Variants in PDE4D observed in about 807,000 individuals in gnomAD.
PDE4D encodes phosphodiesterase 4D.
A neutral mutation model predicts 87.4 loss-of-function variants in PDE4D; 24 were observed. The ratio of observed to expected loss-of-function variants is 0.27; its 90% CI spans 0.20 to 0.39. PDE4D has a LOEUF of 0.39. Among genes scored for constraint, PDE4D ranks in the 10% least tolerant of loss-of-function variants. The probability of loss-of-function intolerance (pLI) is 1.00; values close to 1 mark genes in which losing one functional copy is unlikely to be tolerated. For synonymous variants in PDE4D, 384 were observed against 383.2 expected (o/e 1.00, Z -0.02); for missense variants, 714 against 1,041.0 (o/e 0.69, Z 4.32).
At chr5:59,190,128 AG>A (rs1743988729) in intron 3 of PDE4D, among the ~76,000 whole-genome samples, 1 of 152,208 alleles carries the variant, frequency 6.6e-6, no homozygotes, top group Non-Finnish European at 1.5e-5. Context: ...AGATGGACTC[AG>A]GCATAAAGAA....
rs371796324 is a variant in PDE4D, at chr5:59,067,537, G to C, written c.809-28566C>G. On this transcript the variant is annotated intron_variant, in intron 5 of 14. Transcript: ENST00000340635. ...TATGATGGCATTTAAATATTGACTA[G>C]GTTTCTGATACAGTTTTTGGAGTCT... Among the ~76,000 whole-genome samples, 40 of 152,200 alleles carry C rather than the reference G, an allele frequency of 2.6e-4. 1 individual carries two copies. The South Asian group carries it at 8.1e-3, about 31-fold the overall frequency.
At chr5:60,282,086 T>G (rs1172375834) in intron 1 of PDE4D, among the ~76,000 whole-genome samples, 1 of 151,692 alleles carries the variant, frequency 6.6e-6, no homozygotes, top group Non-Finnish European at 1.5e-5. Context: ...TAAACAACAT[T>G]ACTCAACATA....
intron 2 of PDE4D, among the ~76,000 whole-genome samples, chr5:59,200,068 CACGT>C (rs201306064): frequency 9.1e-3 from 496 of 54,286 alleles, no homozygotes; most frequent in African/African-American, 0.021. Flanking sequence ...CATGTACACA[CACGT>C]ATGCACACAT....
At chr5:60,298,206 T>C (rs1753587782) in intron 1 of PDE4D, among the ~76,000 whole-genome samples, 1 of 151,854 alleles carries the variant, frequency 6.6e-6, no homozygotes, top group African/African-American at 2.4e-5. Flanking sequence ...GTACAGAAAA[T>C]TTATTTGCAT....
intron 2 of PDE4D, among the ~76,000 whole-genome samples, chr5:59,213,031 T>C (rs894478623): frequency 1.3e-5 from 2 of 151,400 alleles, no homozygotes; most frequent in African/African-American, 4.8e-5. Flanking sequence ...GTAAAATGTT[T>C]AGAGAACTCA....
chr5:60,432,385 A>G lies in PDE4D; in HGVS notation c.-90+55557T>C, dbSNP rs191123491. On this transcript the variant is annotated intron_variant, in intron 1 of 16. Coordinates refer to the PDE4D transcript ENST00000502484. The stretch of plus-strand genomic sequence containing the variant: ...TTTTGCTGTGAATCTGTGTGGTCCA[A>G]GGCTTTTTCTGGCTGGTAGCCTTTT... 5.0e-3 allele frequency among the ~76,000 whole-genome samples: 767 copies of G among 152,264 alleles called. 5 individuals are homozygous for G. Among genetic ancestry groups the G allele is most frequent in the Middle Eastern group, 0.017 (5 of 294 alleles).
At chr5:60,514,557 T>C (rs1750711804) in intron 1 of PDE4D, among the ~76,000 whole-genome samples, 1 of 152,058 alleles carries the variant, frequency 6.6e-6, no homozygotes, top group African/African-American at 2.4e-5. Flanking sequence ...CAATTTAATA[T>C]AGTTAACCAG....
Position 59,275,972 on chromosome 5 carries a change from T to C in PDE4D, c.456-60004A>G, listed in dbSNP as rs1276863605. On this transcript the variant is annotated intron_variant, in intron 1 of 14. Coordinates refer to ENST00000340635, the MANE Select transcript of PDE4D (RefSeq NM_001104631.2). ...CTTTGGCTGGGTGGGCTGATTTACC[T>C]GCGAAAGTAATTTCTGTGTGTCCCT... is the stretch of plus-strand genomic sequence containing the variant. 1.6e-5 allele frequency: 16 copies of C among 985,170 alleles called. No homozygotes were observed. In the South Asian group the frequency reaches 6.1e-4, roughly 38 times the overall value. The allele number at this position is 985,170 out of a possible 1,614,324, so 61.0% of individuals were successfully genotyped here. A position where few individuals can be genotyped will look rare whatever the true frequency, so the allele number is the denominator to read the frequency against.
At chr5:59,933,893 G>T (rs1263222860) in intron 3 of PDE4D, among the ~76,000 whole-genome samples, 1 of 152,074 alleles carries the variant, frequency 6.6e-6, no homozygotes, top group Non-Finnish European at 1.5e-5. Context: ...ACAACTGCAG[G>T]ACTGCAGAAT....
In PDE4D at chr5:59,753,221, T is replaced by A. The variant is rs558567752; in HGVS notation, c.455+139947A>T. 3.3e-5 allele frequency among the ~76,000 whole-genome samples: 5 copies of A among 152,208 alleles called. No individual in the cohort carries two copies. The East Asian group carries it at 9.7e-4, about 29-fold the overall frequency. On this transcript the variant is annotated intron_variant, in intron 1 of 14. Coordinates refer to ENST00000340635, the MANE Select transcript of PDE4D (RefSeq NM_001104631.2). The stretch of plus-strand genomic sequence containing the variant: ...AAGGAGCTAGTGGCACAAAGACAAG[T>A]TAGAATGTTATTGAAATAGATCAAA...
chr5:59,724,173 A>T (rs17799161), intron 1 of PDE4D, among the ~76,000 whole-genome samples: 28,054 of 151,922 alleles, frequency 0.18, 3,131 homozygotes, highest in South Asian at 0.26. Context: ...AAACCTGGAG[A>T]GAATAGCCTG....
chr5:59,129,819 A>G (rs1026163307), intron 5 of PDE4D, among the ~76,000 whole-genome samples: 9 of 152,124 alleles, frequency 5.9e-5, no homozygotes, highest in Non-Finnish European at 1.2e-4. Flanking sequence ...TTGCTACTAT[A>G]TAATTTCAAG....
At chr5:59,276,660 G>A (rs896066493) in intron 1 of PDE4D, among the ~76,000 whole-genome samples, 2 of 151,964 alleles carry the variant, frequency 1.3e-5, no homozygotes, top group East Asian at 1.9e-4. Flanking sequence ...GTGGCTGCAC[G>A]TATTAAGGCT....
intron 3 of PDE4D, among the ~76,000 whole-genome samples, chr5:59,931,515 T>A (rs1162560646): frequency 6.6e-6 from 1 of 152,100 alleles, no homozygotes; most frequent in Non-Finnish European, 1.5e-5. Context: ...GCACAAGGTT[T>A]CACATGGCAA....
intron 1 of PDE4D, among the ~76,000 whole-genome samples, chr5:60,444,187 A>AT (rs1745459370): frequency 6.6e-6 from 1 of 152,160 alleles, no homozygotes; most frequent in African/African-American, 2.4e-5. Flanking sequence ...CAAAGTTGAC[A>AT]TTATGGCTTC....
At chr5:59,818,269 A>G (rs1269942522) in intron 1 of PDE4D, among the ~76,000 whole-genome samples, 1 of 152,048 alleles carries the variant, frequency 6.6e-6, no homozygotes, top group African/African-American at 2.4e-5. Flanking sequence ...CTTAAATCTC[A>G]TGTCCCAGTT....
intron 1 of PDE4D, among the ~76,000 whole-genome samples, chr5:59,406,383 CTTAT>C (rs1562124758): frequency 2.2e-5 from 2 of 92,752 alleles, no homozygotes; most frequent in African/African-American, 5.0e-5. Context: ...CTTATCTTTC[CTTAT>C]CTTTCCTTCC....
chr5:60,513,940 A>C (rs1750683108), intron 1 of PDE4D, among the ~76,000 whole-genome samples: 1 of 150,904 alleles, frequency 6.6e-6, no homozygotes, highest in Non-Finnish European at 1.5e-5. Flanking sequence ...TTATATAAGA[A>C]CAGCAAATTA....
intron 1 of PDE4D, among the ~76,000 whole-genome samples, chr5:59,300,441 C>T (rs1769996191): frequency 6.6e-6 from 1 of 152,078 alleles, no homozygotes; most frequent in Non-Finnish European, 1.5e-5. Flanking sequence ...GTCAATTAAT[C>T]AATAATAAAT....
Sources: gnomAD v4.1 joint callset for allele counts (sites outside exome capture counted in the v4.1 genomes callset) on GRCh38, gnomAD v4.1.1 for gene constraint, MANE v1.5 for transcripts, NCBI Gene and HGNC (gene_info 2026-07-23, HGNC 2026-07-21) for gene names.